The following SORCS2 variants were observed in gnomAD, a reference collection of about 807,000 sequenced individuals.
SORCS2 encodes VPS10 domain-containing receptor SorCS2.
In SORCS2, 100 loss-of-function variants were observed where a neutral mutation model predicts 141.6. The observed-to-expected ratio is 0.71, with a 90% CI of 0.60 to 0.83. SORCS2 has a LOEUF of 0.83. Ranked by LOEUF, SORCS2 falls within the 40% of genes least tolerant of loss-of-function variation. The pLI is 0.00. For missense variants in SORCS2, 1,646 were observed against 1,560.2 expected, an observed-to-expected ratio of 1.05 and a Z score of -0.93; for synonymous variants, 789 against 676.9, an observed-to-expected ratio of 1.17 and a Z score of -2.57.
chr4:7,241,159 G>A (rs190342924), intron 1 of SORCS2, among the ~76,000 whole-genome samples: 13 of 152,148 alleles, frequency 8.5e-5, no homozygotes, highest in Admixed American at 2.0e-4. Flanking sequence ...GGCTGGTTTC[G>A]AACTCTTGAC....
At chr4:7,229,742 G>T (rs1577301092) in intron 1 of SORCS2, among the ~76,000 whole-genome samples, 1 of 152,214 alleles carries the variant, frequency 6.6e-6, no homozygotes, top group East Asian at 1.9e-4. Context: ...GAGTCTCTGG[G>T]CAGGAGCAGT....
At chr4:7,613,012 C>G (rs1456487365) in intron 3 of SORCS2, among the ~76,000 whole-genome samples, 3 of 152,224 alleles carry the variant, frequency 2.0e-5, no homozygotes, top group Non-Finnish European at 4.4e-5. Context: ...TGACTGCAAG[C>G]CCCTCTCTCT....
At chr4:7,408,263 C>G (rs575376031) in intron 2 of SORCS2, among the ~76,000 whole-genome samples, 4 of 152,098 alleles carry the variant, frequency 2.6e-5, no homozygotes, top group Non-Finnish European at 5.9e-5. Flanking sequence ...CTCCCTTTAA[C>G]CTTTCTTCTA....
Position 7,466,234 on chromosome 4 carries a change from C to T in SORCS2, c.549-65296C>T, listed in dbSNP as rs190628447. ...TGGGGGTGAGAGTACATCTGGTTCA[C>T]GCCCCTGCAGTCAATCAGGGGCCCA... is the stretch of plus-strand genomic sequence containing the variant. On this transcript the variant is annotated intron_variant, in intron 2 of 26. Transcript: ENST00000507866. Among the ~76,000 whole-genome samples, 103 of 152,248 alleles carry T rather than the reference C, an allele frequency of 6.8e-4. 1 individual carries two copies. The East Asian group carries it at 0.011, about 16-fold the overall frequency.
chr4:7,550,717 C>T (rs1256399184), intron 3 of SORCS2, among the ~76,000 whole-genome samples: 1 of 152,202 alleles, frequency 6.6e-6, no homozygotes, highest in Non-Finnish European at 1.5e-5. Context: ...ACTCTTCCAA[C>T]AGGACAATCC....
rs539487209 is a variant in SORCS2, at chr4:7,240,860, A to G, written c.480+47734A>G. Among the ~76,000 whole-genome samples the G allele has an allele frequency of 1.2e-4, 19 of 152,290 alleles. No individual in the cohort carries two copies. The East Asian group carries it at 2.7e-3, about 22-fold the overall frequency. On this transcript the variant is annotated intron_variant, in intron 1 of 26. Coordinates refer to ENST00000507866, the MANE Select transcript of SORCS2 (RefSeq NM_020777.3). ...GTGGTTTACACCCCGGTCGACCTTCATTTGCAGTTGCCAGATAAAACATAG... is the reference window on the plus strand; with the variant it reads ...GTGGTTTACACCCCGGTCGACCTTCGTTTGCAGTTGCCAGATAAAACATAG...
chr4:7,540,058 C>T (rs1324019030), intron 3 of SORCS2, among the ~76,000 whole-genome samples: 4 of 108,086 alleles, frequency 3.7e-5, no homozygotes, highest in Non-Finnish European at 7.7e-5. Context: ...CCCTGCCTGT[C>T]GTGGAGGCCC....
chr4:7,590,882 G>T (rs1716871759), intron 3 of SORCS2, among the ~76,000 whole-genome samples: 1 of 152,220 alleles, frequency 6.6e-6, no homozygotes, highest in African/African-American at 2.4e-5. Context: ...ATTTGTTACA[G>T]AAACCATAGA....
chr4:7,344,577 G>A (rs1165388666), intron 1 of SORCS2, among the ~76,000 whole-genome samples: 3 of 152,268 alleles, frequency 2.0e-5, no homozygotes, highest in African/African-American at 7.2e-5. Context: ...GAGTAGGGCA[G>A]TGGGGAGTTT....
At chr4:7,304,758 TG>T (rs749402759) in intron 1 of SORCS2, among the ~76,000 whole-genome samples, 1 of 149,664 alleles carries the variant, frequency 6.7e-6, no homozygotes, top group Non-Finnish European at 1.5e-5. Context: ...GTGCAGAGCT[TG>T]GTGGGGGGCC....
chr4:7,670,414 A>G (rs1722728345), intron 8 of SORCS2, among the ~76,000 whole-genome samples: 1 of 152,268 alleles, frequency 6.6e-6, no homozygotes, highest in Non-Finnish European at 1.5e-5. Context: ...TCAATTATAT[A>G]AAAGCATTCA....
chr4:7,543,694 A>C (rs1342129214), intron 3 of SORCS2, among the ~76,000 whole-genome samples: 1 of 87,280 alleles, frequency 1.1e-5, no homozygotes, highest in Non-Finnish European at 2.6e-5. Flanking sequence ...CCACCCATCC[A>C]CCCATCCATC....
chr4:7,690,667 T>C (rs1214947793), intron 11 of SORCS2, among the ~76,000 whole-genome samples: 1 of 151,828 alleles, frequency 6.6e-6, no homozygotes, highest in Non-Finnish European at 1.5e-5. Context: ...AGATGGTGAA[T>C]GGATGGATGG....
intron 3 of SORCS2, among the ~76,000 whole-genome samples, chr4:7,621,196 G>GT (rs1719149205): frequency 6.6e-6 from 1 of 152,168 alleles, no homozygotes; most frequent in Admixed American, 6.5e-5. Context: ...CCTGAGCCCC[G>GT]CCCAGGGTGG....
chr4:7,429,395 A>C (rs1165004036), intron 2 of SORCS2, among the ~76,000 whole-genome samples: 1 of 152,230 alleles, frequency 6.6e-6, no homozygotes, highest in East Asian at 1.9e-4. Context: ...CTTCCGCCCT[A>C]AGGGCATTTG....
chr4:7,285,993 C>T (rs149453659), intron 1 of SORCS2, among the ~76,000 whole-genome samples: 8 of 152,284 alleles, frequency 5.3e-5, no homozygotes, highest in African/African-American at 1.2e-4. Context: ...ATCAGCACGG[C>T]GGCCGGCACC....
rs150638474 is a variant in SORCS2 at position 7,724,696 on chromosome 4, T to A, written c.2612-458T>A. On this transcript the variant is annotated intron_variant, in intron 19 of 26. Coordinates refer to ENST00000507866, the MANE Select transcript of SORCS2 (RefSeq NM_020777.3). ...GGTGGTAGTGGTGATGGTGGTGGTG[T>A]TGGTGATGGTGGTGATAGTATTGGT... Among the ~76,000 whole-genome samples the A allele has an allele frequency of 4.2e-3, 82 of 19,328 alleles. 13 individuals carry two copies. The highest frequency in any genetic ancestry group is 8.1e-3 in the Admixed American group (11 of 1,366). The allele number at this position is 19,328 out of a possible 152,430, so 12.7% of individuals were successfully genotyped here. A position where few individuals can be genotyped will look rare whatever the true frequency, so the allele number is the denominator to read the frequency against.
intron 1 of SORCS2, among the ~76,000 whole-genome samples, chr4:7,345,568 G>C (rs1163480489): frequency 2.0e-5 from 3 of 150,174 alleles, no homozygotes; most frequent in South Asian, 2.1e-4. Flanking sequence ...CATCACTCTA[G>C]ACAAGTCCTA....
intron 3 of SORCS2, among the ~76,000 whole-genome samples, chr4:7,628,091 G>A (rs1719631649): frequency 6.6e-6 from 1 of 152,238 alleles, no homozygotes; most frequent in Admixed American, 6.5e-5. Context: ...CAGCTTGGGG[G>A]TAGAGTCTAA....
Sources: allele counts gnomAD v4.1 joint callset (sites outside exome capture counted in the v4.1 genomes callset), GRCh38; gene constraint gnomAD v4.1.1; transcripts MANE v1.5; gene names NCBI Gene and HGNC (gene_info 2026-07-23, HGNC 2026-07-21).